The following AFG1L variants were observed in gnomAD, a reference collection of about 807,000 sequenced individuals.
AFG1L encodes the protein AFG1-like ATPase.
Under a neutral mutation model 62.2 loss-of-function variants are expected in AFG1L, and 53 were observed. That is an observed-to-expected ratio of 0.85 (90% confidence interval 0.68 to 1.07). The LOEUF is 1.07. AFG1L is among the 50% of genes least tolerant of loss of function. The probability of loss-of-function intolerance (pLI) is 0.00; values close to 1 mark genes in which losing one functional copy is unlikely to be tolerated. For synonymous variants in AFG1L, 228 were observed against 210.3 expected, an observed-to-expected ratio of 1.08 and a Z score of -0.73; for missense variants, 555 against 590.5, an observed-to-expected ratio of 0.94 and a Z score of 0.62.
chr6:108,427,524 T>A (rs1453633030), intron 7 of AFG1L, among the ~76,000 whole-genome samples: 2 of 146,870 alleles, frequency 1.4e-5, no homozygotes, highest in African/African-American at 5.1e-5. Flanking sequence ...GGAATTTTTT[T>A]TTTTTTTTTT....
chr6:108,486,709 C>T (rs1773587462), intron 10 of AFG1L, among the ~76,000 whole-genome samples: 1 of 152,058 alleles, frequency 6.6e-6, no homozygotes, highest in Non-Finnish European at 1.5e-5. Context: ...TGGTCAGCAA[C>T]TATTTCTTTT....
chr6:108,493,423 T>TC (rs1054799255), intron 10 of AFG1L, among the ~76,000 whole-genome samples: 8 of 152,148 alleles, frequency 5.3e-5, no homozygotes, highest in African/African-American at 1.9e-4. Context: ...TGACTGCCCC[T>TC]CACACTACAG....
intron 11 of AFG1L, among the ~76,000 whole-genome samples, chr6:108,518,044 C>T (rs965101759): frequency 2.4e-4 from 37 of 152,324 alleles, no homozygotes; most frequent in Non-Finnish European, 4.4e-4. Context: ...GAACACTTTA[C>T]ACTGTTGGTG....
At chr6:108,493,453 T>C (rs1469446671) in intron 10 of AFG1L, among the ~76,000 whole-genome samples, 1 of 152,184 alleles carries the variant, frequency 6.6e-6, no homozygotes, top group Non-Finnish European at 1.5e-5. Context: ...AAACTTAAGC[T>C]GAATAAAGAA....
intron 10 of AFG1L, among the ~76,000 whole-genome samples, chr6:108,496,353 G>C (rs1248426173): frequency 6.6e-6 from 1 of 152,164 alleles, no homozygotes; most frequent in Non-Finnish European, 1.5e-5. Context: ...CTTGGTGATA[G>C]TGTCTTTATT....
At chr6:108,371,920 C>A (rs1229532891) in intron 6 of AFG1L, among the ~76,000 whole-genome samples, 1 of 151,390 alleles carries the variant, frequency 6.6e-6, no homozygotes, top group African/African-American at 2.4e-5. Flanking sequence ...CTGTGCCCAA[C>A]TAATTTTTAA....
intron 1 of AFG1L, among the ~76,000 whole-genome samples, chr6:108,321,164 C>T (rs1348667584): frequency 6.6e-6 from 1 of 152,194 alleles, no homozygotes; most frequent in Non-Finnish European, 1.5e-5. Flanking sequence ...AGGCTACCCA[C>T]ATATCTACCT....
intron 2 of AFG1L, among the ~76,000 whole-genome samples, chr6:108,343,231 G>T (rs1231465999): frequency 6.6e-6 from 1 of 151,976 alleles, no homozygotes; most frequent in Non-Finnish European, 1.5e-5. Context: ...TGTATTTTTG[G>T]TAGAGACGGG....
At chr6:108,511,000 C>T (rs1215182836) in intron 11 of AFG1L, among the ~76,000 whole-genome samples, 1 of 151,382 alleles carries the variant, frequency 6.6e-6, no homozygotes, top group Admixed American at 6.6e-5. Context: ...TTGCTTAAGC[C>T]CAGGAGTTCA....
intron 2 of AFG1L, among the ~76,000 whole-genome samples, chr6:108,330,460 C>T (rs1778232226): frequency 6.6e-6 from 1 of 152,148 alleles, no homozygotes; most frequent in Non-Finnish European, 1.5e-5. Context: ...AGGTGTGAGC[C>T]ACTGCGCCTG....
At chr6:108,388,842 A>T (rs1304844697) in intron 6 of AFG1L, among the ~76,000 whole-genome samples, 1 of 152,062 alleles carries the variant, frequency 6.6e-6, no homozygotes, top group Admixed American at 6.6e-5. Context: ...GCTGAAAAAA[A>T]TGTATATTCT....
chr6:108,500,295 C>T (rs900851344), intron 10 of AFG1L, among the ~76,000 whole-genome samples: 19 of 151,778 alleles, frequency 1.3e-4, no homozygotes, highest in Admixed American at 1.0e-3. Context: ...CCACCGTGCC[C>T]AGCCGATATA....
At chr6:108,477,037 C>T in intron 9 of AFG1L, 102 bp downstream of exon 9, 1 of 1,125,960 alleles carries the variant, frequency 8.9e-7, no homozygotes, top group Non-Finnish European at 1.3e-6. Flanking sequence ...GGGTTGATGC[C>T]ACGCTCAAGT....
intron 5 of AFG1L, among the ~76,000 whole-genome samples, chr6:108,357,879 A>G (rs1029763809): frequency 6.6e-6 from 1 of 152,208 alleles, no homozygotes; most frequent in African/African-American, 2.4e-5. Context: ...ACACATAGCT[A>G]ACAATAGTCT....
intron 7 of AFG1L, among the ~76,000 whole-genome samples, chr6:108,402,445 C>T (rs1311482028): frequency 1.5e-5 from 2 of 133,182 alleles, no homozygotes; most frequent in African/African-American, 5.9e-5. Context: ...GCCTGGGTGA[C>T]AGGGCGAGAC....
intron 2 of AFG1L, among the ~76,000 whole-genome samples, chr6:108,328,908 G>A (rs1467636508): frequency 2.0e-5 from 3 of 152,180 alleles, no homozygotes; most frequent in Admixed American, 6.5e-5. Context: ...TGGTTTTACT[G>A]GGTAGTTGAA....
rs764954998 is a variant in AFG1L at position 108,343,238 on chromosome 6, C to T, written c.364-3750C>T. ...CAAATTTTTGTATTTTTGGTAGAGACGGGGTTTCACCATGTTGGCCACTGG... is the reference window on the plus strand; with the variant it reads ...CAAATTTTTGTATTTTTGGTAGAGATGGGGTTTCACCATGTTGGCCACTGG... On this transcript the variant is annotated intron_variant, in intron 2 of 12. Transcript: ENST00000368977. Among the ~76,000 whole-genome samples the T allele has an allele frequency of 5.3e-5, 8 of 152,022 alleles. 1 individual carries two copies. The Middle Eastern group carries it at 0.01, about 194-fold the overall frequency.
intron 7 of AFG1L, among the ~76,000 whole-genome samples, chr6:108,444,825 T>C (rs1438218750): frequency 1.3e-5 from 2 of 152,258 alleles, no homozygotes; most frequent in Non-Finnish European, 2.9e-5. Context: ...AGCAAAATTC[T>C]TAAGGGCCTT....
intron 1 of AFG1L, among the ~76,000 whole-genome samples, chr6:108,305,563 AT>A (rs903581241): frequency 6.7e-5 from 10 of 149,890 alleles, no homozygotes; most frequent in East Asian, 3.9e-4. Context: ...TAATGTTTGT[AT>A]TTTTTTTTCG....
Sources: gnomAD v4.1 joint callset for allele counts (sites outside exome capture counted in the v4.1 genomes callset) on GRCh38, gnomAD v4.1.1 for gene constraint, MANE v1.5 for transcripts, NCBI Gene and HGNC (gene_info 2026-07-23, HGNC 2026-07-21) for gene names.